FBXO15: variants seen among roughly 807,000 people sequenced by gnomAD.
FBXO15 encodes the protein F-box only protein 15.
A neutral mutation model predicts 49.5 loss-of-function variants in FBXO15; 30 were observed. The observed-to-expected ratio is 0.61, with a 90% confidence interval of 0.45 to 0.82. The LOEUF (loss-of-function observed/expected upper bound fraction) is 0.82. Ranked by LOEUF, FBXO15 falls within the 40% of genes least tolerant of loss-of-function variation. The pLI is 0.00. For missense variants in FBXO15, 591 were observed against 631.5 expected, an observed-to-expected ratio of 0.94 and a Z score of 0.69; for synonymous variants, 250 against 232.7, an observed-to-expected ratio of 1.07 and a Z score of -0.68.
rs776217604 is a variant in FBXO15, at chr18:74,081,948, A to G, written c.1242T>C (p.Asp414=). 40 of 1,612,472 alleles carry G rather than the reference A, an allele frequency of 2.5e-5. No individual in the cohort carries two copies. The highest frequency in any genetic ancestry group is 3.2e-5 in the Non-Finnish European group (38 of 1,179,272). ...TTACCTTTATACAGCCATCAAAAAT[A>G]TCAGTTTTCCACGAGAGGCCAACTT... ...IGKVGLSWKT[D]IFDGCIKSCS... Residue 414 remains aspartate, a synonymous_variant, in exon 9 of 10, where the codon GAT becomes GAC. Transcript: ENST00000419743.
intron 8 of FBXO15, among the ~76,000 whole-genome samples, chr18:74,088,541 T>C (rs571538544): frequency 1.3e-5 from 2 of 152,310 alleles, no homozygotes; most frequent in Admixed American, 1.3e-4. Flanking sequence ...CTGGGCACTG[T>C]ATTCTGTTCC....
chr18:74,147,832 A>G lies in FBXO15; in HGVS notation c.-47T>C, dbSNP rs144832555. 1.0e-3 allele frequency: 1,467 copies of G among 1,464,866 alleles called. 14 individuals are homozygous for G. In the African/African-American group the frequency reaches 0.02, roughly 20 times the overall value. 90.7% of individuals were successfully genotyped at this position (1,464,866 alleles called of 1,614,324 possible). On this transcript the variant is annotated 5_prime_UTR_variant, in exon 1 of 10. Transcript: ENST00000419743. ...GGACCGCGCCAGGGCTGAAACGAAG[A>G]GTGCACGCACCGCCCCCACGCCCGC...
chr18:74,103,789 T>C (rs769784612), intron 8 of FBXO15, among the ~76,000 whole-genome samples: 4 of 152,060 alleles, frequency 2.6e-5, no homozygotes, highest in Non-Finnish European at 4.4e-5. Flanking sequence ...ATCTTTCAAA[T>C]ATGAAGGACA....
intron 8 of FBXO15, among the ~76,000 whole-genome samples, chr18:74,107,956 T>C (rs1376862731): frequency 2.0e-5 from 3 of 151,944 alleles, no homozygotes; most frequent in Non-Finnish European, 4.4e-5. Flanking sequence ...ATTCTGGAGG[T>C]TGTAAAGCGG....
chr18:74,110,164 CATAT>C (rs61486308), intron 8 of FBXO15, among the ~76,000 whole-genome samples: 3 of 129,568 alleles, frequency 2.3e-5, no homozygotes, highest in Admixed American at 7.6e-5. Context: ...CATATGTGTG[CATAT>C]ATATATATAT....
chr18:74,143,078 G>C (rs914365366), intron 1 of FBXO15, among the ~76,000 whole-genome samples: 4 of 152,106 alleles, frequency 2.6e-5, no homozygotes, highest in Admixed American at 2.6e-4. Context: ...AAGCCTATGG[G>C]AGTGTGGGGG....
chr18:74,118,341 G>A (rs571553054), intron 8 of FBXO15, among the ~76,000 whole-genome samples: 1 of 146,012 alleles, frequency 6.8e-6, no homozygotes, highest in African/African-American at 2.5e-5. Context: ...TTGTAATCCC[G>A]GCACTTTGAG....
At chr18:74,129,666 ATGCT>A in intron 4 of FBXO15, 52 bp from the exon 5 acceptor site, 1 of 1,377,206 alleles carries the variant, frequency 7.3e-7, no homozygotes, top group Non-Finnish European at 1.0e-6. Context: ...AAAAAAAAAA[ATGCT>A]AAAGGCAATT....
chr18:74,119,732 G>A (rs928055093), intron 8 of FBXO15, among the ~76,000 whole-genome samples: 3 of 152,188 alleles, frequency 2.0e-5, no homozygotes, highest in African/African-American at 7.2e-5. Flanking sequence ...TAAAGCTGCA[G>A]CGGAGCTAGA....
rs940379114 is a variant in FBXO15, at chr18:74,111,949, C to T, written c.1138+11419G>A. Among the ~76,000 whole-genome samples the T allele has an allele frequency of 4.6e-5, 7 of 152,170 alleles. No individual in the cohort carries two copies. The East Asian group carries it at 1.4e-3, about 29-fold the overall frequency. On this transcript the variant is annotated intron_variant, in intron 8 of 9. Transcript: ENST00000419743. ...CATTTGATAATCTAGATGAAATGGA[C>T]CAATTCCTTGAAAGACACCATCTGC... is the stretch of plus-strand genomic sequence containing the variant.
intron 8 of FBXO15, among the ~76,000 whole-genome samples, chr18:74,122,403 C>G (rs1914513064): frequency 6.6e-6 from 1 of 152,212 alleles, no homozygotes; most frequent in African/African-American, 2.4e-5. Flanking sequence ...AAGAATTAAG[C>G]ATTTGCTCTG....
chr18:74,091,273 A>G (rs1913014357), intron 8 of FBXO15, among the ~76,000 whole-genome samples: 1 of 151,966 alleles, frequency 6.6e-6, no homozygotes, highest in Non-Finnish European at 1.5e-5. Context: ...ACATCCCTTG[A>G]GTCTATAGGT....
At chr18:74,104,671 G>A (rs954395275) in intron 8 of FBXO15, among the ~76,000 whole-genome samples, 24 of 152,026 alleles carry the variant, frequency 1.6e-4, no homozygotes, top group Admixed American at 4.6e-4. Flanking sequence ...TAAAATAGAC[G>A]GTAATAATGG....
In FBXO15 at chr18:74,081,914, G is replaced by T. The variant is rs774448921; in HGVS notation, c.1263+13C>A. 1.3e-6 allele frequency: 2 copies of T among 1,555,554 alleles called. No individual in the cohort carries two copies. The highest frequency in any genetic ancestry group is 1.7e-6 in the Non-Finnish European group (2 of 1,162,056). On this transcript the variant is annotated intron_variant, in intron 9 of 9. Transcript: ENST00000419743. ...CAAGTTACTTGAAGAAAAGAAAACG[G>T]TTCTGTTTTTACCTTTATACAGCCA...
intron 8 of FBXO15, chr18:74,100,197 CTG>C (rs1402675870): frequency 6.6e-6 from 1 of 151,978 alleles, no homozygotes; most frequent in African/African-American, 2.4e-5. Flanking sequence ...TTTAAGAAAA[CTG>C]AAATTATATC....
intron 8 of FBXO15, among the ~76,000 whole-genome samples, chr18:74,119,994 G>A (rs554901171): frequency 1.3e-5 from 2 of 152,302 alleles, no homozygotes; most frequent in East Asian, 3.9e-4. Flanking sequence ...GCTAGATGCC[G>A]AATTCAACAC....
intron 7 of FBXO15, 37 bp downstream of exon 7, chr18:74,124,452 G>A (rs1239876368): frequency 6.6e-7 from 1 of 1,517,500 alleles, no homozygotes; most frequent in South Asian, 1.1e-5. Context: ...TATATTTACT[G>A]TACAAAAATT....
rs368881838 is a variant in FBXO15 at position 74,116,053 on chromosome 18, CTG to C, written c.1138+7313_1138+7314del. Among the ~76,000 whole-genome samples, 28 of 152,252 alleles carry C rather than the reference CTG, an allele frequency of 1.8e-4. No homozygotes were observed. In the East Asian group the frequency reaches 5.4e-3, roughly 29 times the overall value. ...ACAATTATCTGTCTTATGCATTTCT[CTG>C]TGTGTCATTTCACAATACAAAGATG... is the stretch of plus-strand genomic sequence containing the variant. On this transcript the variant is annotated intron_variant, in intron 8 of 9. Coordinates refer to ENST00000419743, the MANE Select transcript of FBXO15 (RefSeq NM_001142958.2).
At position 74,110,194 on chromosome 18, in the gene FBXO15, C is replaced by CATATATATATAT. The variant is rs58739905; in HGVS notation, c.1138+13162_1138+13173dup. On this transcript the variant is annotated intron_variant, in intron 8 of 9. Coordinates refer to ENST00000419743, the MANE Select transcript of FBXO15 (RefSeq NM_001142958.2). Reference sequence around the variant, plus strand: ...ATATATATATATACACATATGTGTGCATATATATATATATATATGTTTATG... The same window carrying CATATATATATAT: ...ATATATATATATACACATATGTGTGCATATATATATATATATATATATATATATATGTTTATG... Among the ~76,000 whole-genome samples, 549 of 143,584 alleles carry CATATATATATAT rather than the reference C, an allele frequency of 3.8e-3. 3 individuals are homozygous for CATATATATATAT. Among genetic ancestry groups the CATATATATATAT allele is most frequent in the Middle Eastern group, 0.011 (3 of 272 alleles). The allele number at this position is 143,584 out of a possible 152,430, so 94.2% of individuals were successfully genotyped here.
Sources: gnomAD v4.1 joint callset for allele counts (sites outside exome capture counted in the v4.1 genomes callset) on GRCh38, gnomAD v4.1.1 for gene constraint, MANE v1.5 for transcripts, NCBI Gene and HGNC (gene_info 2026-07-23, HGNC 2026-07-21) for gene names.